The following DLG2 variants were observed in gnomAD, a reference collection of about 807,000 sequenced individuals.
DLG2 encodes disks large homolog 2.
In DLG2, 45 loss-of-function variants were observed where a neutral mutation model predicts 132.5. The ratio of observed to expected loss-of-function variants is 0.34; its 90% confidence interval spans 0.27 to 0.44. The LOEUF (loss-of-function observed/expected upper bound fraction) is 0.44. DLG2 is among the 20% of genes least tolerant of loss of function. The probability of loss-of-function intolerance (pLI) is 1.00; values close to 1 mark genes in which losing one functional copy is unlikely to be tolerated. For synonymous variants in DLG2, 424 were observed against 419.6 expected, an observed-to-expected ratio of 1.01 and a Z score of -0.13; for missense variants, 1,045 against 1,196.9, an observed-to-expected ratio of 0.87 and a Z score of 1.87.
At chr11:85,020,772 T>C (rs2059985529) in intron 6 of DLG2, 2 of 699,034 alleles carry the variant, frequency 2.9e-6, no homozygotes, top group Non-Finnish European at 5.3e-6. Context: ...CCCTGCTATG[T>C]GCTTCAAAGT....
intron 3 of DLG2, among the ~76,000 whole-genome samples, chr11:85,400,021 C>T (rs1336774045): frequency 6.6e-6 from 1 of 152,020 alleles, no homozygotes; most frequent in Admixed American, 6.6e-5. Context: ...AAAATTTTCA[C>T]ATCCTACTCA....
chr11:84,163,619 T>C, intron 8 of DLG2, 108 bp from the exon 9 acceptor site: 7 of 837,024 alleles, frequency 8.4e-6, no homozygotes, highest in South Asian at 6.7e-5. Context: ...TAGCTATAAA[T>C]AACCACATTT....
At chr11:84,516,142 A>T (rs2099272239) in intron 7 of DLG2, among the ~76,000 whole-genome samples, 1 of 151,396 alleles carries the variant, frequency 6.6e-6, no homozygotes, top group Non-Finnish European at 1.5e-5. Flanking sequence ...AAAAGATCTC[A>T]AATAAATAAC....
chr11:84,874,496 T>C (rs2086008628), intron 6 of DLG2, among the ~76,000 whole-genome samples: 1 of 152,186 alleles, frequency 6.6e-6, no homozygotes, highest in Non-Finnish European at 1.5e-5. Context: ...TTTTGTGGGC[T>C]ATCATTAAAG....
chr11:83,629,265 G>A (rs376922464), intron 19 of DLG2, among the ~76,000 whole-genome samples: 18 of 152,074 alleles, frequency 1.2e-4, no homozygotes, highest in Non-Finnish European at 1.6e-4. Flanking sequence ...ATAGGTCCTG[G>A]CACATAATAT....
In DLG2 at chr11:84,555,174, C is replaced by G. The variant is rs149974742; in HGVS notation, c.358-20443G>C. Among the ~76,000 whole-genome samples, 12 of 152,232 alleles carry G rather than the reference C, an allele frequency of 7.9e-5. No homozygotes were observed. The East Asian group carries it at 1.4e-3, about 17-fold the overall frequency. ...ATGACCTGATATATATTTTCAAAAGCTCACTCTTGAACTCTTAGTGAGCCT... is the reference window on the plus strand; with the variant it reads ...ATGACCTGATATATATTTTCAAAAGGTCACTCTTGAACTCTTAGTGAGCCT... On this transcript the variant is annotated intron_variant, in intron 6 of 27. Coordinates refer to ENST00000376104, the MANE Select transcript of DLG2 (RefSeq NM_001142699.3).
At chr11:84,433,898 C>T (rs148260530) in intron 7 of DLG2, among the ~76,000 whole-genome samples, 13 of 152,244 alleles carry the variant, frequency 8.5e-5, no homozygotes, top group African/African-American at 2.9e-4. Context: ...GGGCAGATCA[C>T]TTGAGCTCAG....
At chr11:85,549,827 C>T (rs1449372224) in intron 3 of DLG2, among the ~76,000 whole-genome samples, 1 of 152,184 alleles carries the variant, frequency 6.6e-6, no homozygotes, top group Non-Finnish European at 1.5e-5. Flanking sequence ...GACACTCCTG[C>T]CAGAGCGATG....
At chr11:84,752,030 G>A (rs2066178744) in intron 6 of DLG2, among the ~76,000 whole-genome samples, 1 of 152,188 alleles carries the variant, frequency 6.6e-6, no homozygotes, top group Non-Finnish European at 1.5e-5. Flanking sequence ...GAAGGTAGAA[G>A]ATGGCCGAGT....
chr11:84,997,113 CT>C (rs2057728273), intron 6 of DLG2: 1 of 153,108 alleles, frequency 6.5e-6, no homozygotes, highest in Non-Finnish European at 1.5e-5. Context: ...AGCAATATGA[CT>C]TCTGATTTGT....
At chr11:85,270,459 A>G (rs1194014805) in intron 4 of DLG2, among the ~76,000 whole-genome samples, 1 of 152,180 alleles carries the variant, frequency 6.6e-6, no homozygotes, top group East Asian at 1.9e-4. Flanking sequence ...AAAACAAGCT[A>G]ATACAGTAAT....
chr11:85,381,514 A>G (rs2085887607), intron 3 of DLG2, among the ~76,000 whole-genome samples: 2 of 152,186 alleles, frequency 1.3e-5, no homozygotes, highest in African/African-American at 4.8e-5. Context: ...ATTAGGCAAG[A>G]AAAAGAAATC....
At chr11:84,156,301 A>G (rs2095428250) in intron 9 of DLG2, among the ~76,000 whole-genome samples, 1 of 152,202 alleles carries the variant, frequency 6.6e-6, no homozygotes, top group Non-Finnish European at 1.5e-5. Context: ...TACTCTGAGT[A>G]ATTTATACAT....
At chr11:84,143,475 C>T (rs1416375169) in intron 9 of DLG2, among the ~76,000 whole-genome samples, 1 of 152,108 alleles carries the variant, frequency 6.6e-6, no homozygotes, top group East Asian at 1.9e-4. Context: ...ATAGACCAAA[C>T]ATCTTAAACT....
At chr11:83,685,690 C>A (rs912185651) in intron 18 of DLG2, among the ~76,000 whole-genome samples, 1 of 152,118 alleles carries the variant, frequency 6.6e-6, no homozygotes, top group Non-Finnish European at 1.5e-5. Flanking sequence ...AAGGCTACCA[C>A]ATGTAGATCT....
At chr11:83,497,917 A>G (rs1377839927) in intron 21 of DLG2, among the ~76,000 whole-genome samples, 4 of 152,080 alleles carry the variant, frequency 2.6e-5, no homozygotes, top group Non-Finnish European at 5.9e-5. Context: ...ATTTATTAAA[A>G]AAAAAACAAC....
chr11:83,484,068 T>A (rs1284559605), intron 22 of DLG2, 61 bp downstream of exon 22: 1 of 1,382,624 alleles, frequency 7.2e-7, no homozygotes, highest in Non-Finnish European at 1.0e-6. Flanking sequence ...ATCCTGCGTG[T>A]TGCCTGTGAA....
chr11:85,347,639 T>C (rs1264173637), intron 3 of DLG2, among the ~76,000 whole-genome samples: 4 of 151,954 alleles, frequency 2.6e-5, no homozygotes, highest in African/African-American at 9.7e-5. Flanking sequence ...TCCCCCATGA[T>C]GTTAATTAAT....
chr11:85,484,260 C>T (rs969357773), intron 3 of DLG2, among the ~76,000 whole-genome samples: 5 of 121,152 alleles, frequency 4.1e-5, no homozygotes, highest in Non-Finnish European at 8.9e-5. Context: ...CTCCTCCTCC[C>T]TAGGCATTAC....
Sources: allele counts gnomAD v4.1 joint callset (sites outside exome capture counted in the v4.1 genomes callset), GRCh38; gene constraint gnomAD v4.1.1; transcripts MANE v1.5; gene names NCBI Gene and HGNC (gene_info 2026-07-23, HGNC 2026-07-21).